Variants in CSMD1 observed in about 807,000 individuals in gnomAD.
The protein encoded by CSMD1 is CUB and Sushi multiple domains 1.
In CSMD1, 213 loss-of-function variants were observed where a neutral mutation model predicts 417.5. The ratio of observed to expected loss-of-function variants is 0.51; its 90% CI spans 0.46 to 0.57. The LOEUF (loss-of-function observed/expected upper bound fraction) is 0.57, where lower values mean the gene tolerates loss of function less well. Ranked by LOEUF, CSMD1 falls within the 20% of genes least tolerant of loss-of-function variation. The probability of loss-of-function intolerance (pLI) is 0.00; values close to 1 mark genes in which losing one functional copy is unlikely to be tolerated. For synonymous variants in CSMD1, 2,862 were observed against 1,736.8 expected (o/e 1.65, Z -16.11); for missense variants, 6,923 against 4,529.7 (o/e 1.53, Z -15.17).
At chr8:4,758,943 C>A (rs151177653) in intron 1 of CSMD1, among the ~76,000 whole-genome samples, 1 of 152,156 alleles carries the variant, frequency 6.6e-6, no homozygotes, top group Admixed American at 6.6e-5. Flanking sequence ...CAGTAGCAGA[C>A]GGTGGAGGGT....
intron 8 of CSMD1, among the ~76,000 whole-genome samples, chr8:3,606,994 G>C (rs1407539473): frequency 6.6e-6 from 1 of 152,120 alleles, no homozygotes; most frequent in Admixed American, 6.5e-5. Context: ...ACAAGCGTGA[G>C]CCGCCGTGCC....
rs191959326 is a variant in CSMD1 at position 4,532,167 on chromosome 8, G to T, written c.302+105175C>A. Among the ~76,000 whole-genome samples the T allele has an allele frequency of 1.3e-3, 173 of 131,800 alleles. 2 individuals are homozygous for T. Among genetic ancestry groups the T allele is most frequent in the Non-Finnish European group, 1.8e-3 (115 of 63,970 alleles). 86.5% of individuals were successfully genotyped at this position (131,800 alleles called of 152,430 possible). On this transcript the variant is annotated intron_variant, in intron 2 of 69. Coordinates refer to ENST00000635120, the MANE Select transcript of CSMD1 (RefSeq NM_033225.6). ...AGCCCATTCACAGTCCTCCAGAAAAGAAATCCTGCACCTCCATTCAGTCAC... is the reference window on the plus strand; with the variant it reads ...AGCCCATTCACAGTCCTCCAGAAAATAAATCCTGCACCTCCATTCAGTCAC...
intron 10 of CSMD1, among the ~76,000 whole-genome samples, chr8:3,497,171 A>G (rs79581728): frequency 0.15 from 22,513 of 152,074 alleles, 1,795 homozygotes; most frequent in Middle Eastern, 0.18. Flanking sequence ...TTTGGTCTAC[A>G]CTATAGTTTA....
intron 2 of CSMD1, among the ~76,000 whole-genome samples, chr8:4,432,942 C>A (rs1315250789): frequency 6.6e-6 from 1 of 152,282 alleles, no homozygotes; most frequent in South Asian, 2.1e-4. Flanking sequence ...CAGCTGCTCC[C>A]CATGGCTCAC....
chr8:3,700,786 T>C (rs115755368), intron 7 of CSMD1, among the ~76,000 whole-genome samples: 4,515 of 152,112 alleles, frequency 0.03, 227 homozygotes, highest in African/African-American at 0.1. Context: ...AGGACCAGGA[T>C]GCAAGGGTGG....
At chr8:4,636,226 G>A (rs1387263380) in intron 2 of CSMD1, among the ~76,000 whole-genome samples, 1 of 152,118 alleles carries the variant, frequency 6.6e-6, no homozygotes, top group Admixed American at 6.5e-5. Context: ...GATTTCTTTG[G>A]AAGGGATATT....
chr8:4,204,257 A>G (rs1033018144), intron 3 of CSMD1, among the ~76,000 whole-genome samples: 14 of 151,814 alleles, frequency 9.2e-5, no homozygotes, highest in Admixed American at 8.5e-4. Context: ...CATTTATGCA[A>G]TGCTAGGAAA....
intron 2 of CSMD1, among the ~76,000 whole-genome samples, chr8:4,489,748 C>T (rs763225452): frequency 2.6e-5 from 4 of 152,136 alleles, no homozygotes; most frequent in East Asian, 1.9e-4. Context: ...AAGCAGCTGC[C>T]GCGGTGTGAG....
At chr8:4,983,644 T>C (rs1811016647) in intron 1 of CSMD1, among the ~76,000 whole-genome samples, 1 of 152,158 alleles carries the variant, frequency 6.6e-6, no homozygotes, top group Non-Finnish European at 1.5e-5. Flanking sequence ...TGCCTCAACC[T>C]CCCATGTAGC....
intron 5 of CSMD1, among the ~76,000 whole-genome samples, chr8:3,908,465 C>G (rs186656550): frequency 2.0e-5 from 3 of 152,044 alleles, no homozygotes; most frequent in African/African-American, 7.2e-5. Context: ...ACACACATTC[C>G]CTGGGCCTTT....
intron 1 of CSMD1, among the ~76,000 whole-genome samples, chr8:4,645,211 G>A (rs2130878653): frequency 6.6e-6 from 1 of 151,896 alleles, no homozygotes; most frequent in South Asian, 2.1e-4. Flanking sequence ...TTCTAGACAG[G>A]GGTCATCATT....
chr8:3,568,809 T>G (rs957024502), intron 10 of CSMD1, among the ~76,000 whole-genome samples: 1 of 152,036 alleles, frequency 6.6e-6, no homozygotes, highest in African/African-American at 2.4e-5. Context: ...CATGATATAT[T>G]TAATCTTTCC....
chr8:3,399,330 A>C, intron 16 of CSMD1, 61 bp downstream of exon 16: 1 of 1,444,296 alleles, frequency 6.9e-7, no homozygotes, highest in East Asian at 2.4e-5. Flanking sequence ...AGATCCATTT[A>C]CTAAAACTAT....
chr8:3,738,892 C>G (rs373501698), intron 6 of CSMD1, among the ~76,000 whole-genome samples: 7 of 152,254 alleles, frequency 4.6e-5, no homozygotes, highest in East Asian at 3.9e-4. Flanking sequence ...TTCATAGTCT[C>G]GAAATCTGTA....
At position 3,142,555 on chromosome 8, in the gene CSMD1, C is replaced by A; in HGVS notation, c.6151G>T (p.Ala2051Ser). 2.5e-6 allele frequency: 4 copies of A among 1,613,888 alleles called. No individual in the cohort carries two copies. Among genetic ancestry groups the A allele is most frequent in the Non-Finnish European group, 3.4e-6 (4 of 1,179,898 alleles). ...TCATGCGTTGTGCTCAGCAGGGCCG[C>A]GGGGAGATCCGTGCCGCTAAATTGT... ...IGQFSGTDLP[A>S]ALLSTTHETL... is the part of the protein sequence containing the mutation. The change falls in exon 41 of 70, where the codon GCG becomes TCG. Residue 2051 changes from alanine (A) to serine (S), a missense_variant. By Grantham distance (99) the Ala-to-Ser change is moderately conservative. Coordinates refer to ENST00000635120, the MANE Select transcript of CSMD1 (RefSeq NM_033225.6).
At chr8:3,468,006 C>G (rs1563067520) in intron 12 of CSMD1, among the ~76,000 whole-genome samples, 1 of 152,138 alleles carries the variant, frequency 6.6e-6, no homozygotes, top group Admixed American at 6.5e-5. Flanking sequence ...GGTTCAAATA[C>G]TTTAAGGAAC....
chr8:4,594,195 CTTTTTTTTTTT>C (rs771415822), intron 2 of CSMD1, among the ~76,000 whole-genome samples: 1 of 92,374 alleles, frequency 1.1e-5, no homozygotes, highest in Admixed American at 1.3e-4. Flanking sequence ...CTAAAGTGAT[CTTTTTTTTTTT>C]TTTTTTTTTT....
Position 3,834,135 on chromosome 8 carries a change from A to G in CSMD1, c.819-80093T>C, listed in dbSNP as rs184566847. 3.3e-5 allele frequency among the ~76,000 whole-genome samples: 5 copies of G among 152,180 alleles called. No individual in the cohort carries two copies. The East Asian group carries it at 7.7e-4, about 23-fold the overall frequency. On this transcript the variant is annotated intron_variant, in intron 5 of 69. Coordinates refer to ENST00000635120, the MANE Select transcript of CSMD1 (RefSeq NM_033225.6). ...TTCCTTACATTTCTAATTGTCTTCA[A>G]TTTTACTATTGCTTTATCTATATAT...
intron 23 of CSMD1, among the ~76,000 whole-genome samples, chr8:3,337,749 C>A (rs1418917144): frequency 2.6e-5 from 4 of 152,084 alleles, no homozygotes; most frequent in African/African-American, 4.8e-5. Context: ...TGGAATCGGC[C>A]TAATGGGTAG....
Sources: gnomAD v4.1 joint callset for allele counts (sites outside exome capture counted in the v4.1 genomes callset) on GRCh38, gnomAD v4.1.1 for gene constraint, MANE v1.5 for transcripts, NCBI Gene and HGNC (gene_info 2026-07-23, HGNC 2026-07-21) for gene names.